Variants in ANXA4 observed in about 807,000 individuals in gnomAD.
The protein encoded by ANXA4 is annexin A4, also known as 35-beta calcimedin.
ANXA4 carries 39 observed loss-of-function variants against 49.8 expected under a neutral mutation model. The ratio of observed to expected loss-of-function variants is 0.78; its 90% CI spans 0.61 to 1.02. The LOEUF (loss-of-function observed/expected upper bound fraction) is 1.02, where lower values mean the gene tolerates loss of function less well. Among genes scored for constraint, ANXA4 ranks in the 50% least tolerant of loss-of-function variants. The pLI is 0.00. For synonymous variants in ANXA4, 134 were observed against 152.5 expected (o/e 0.88, Z 0.89); for missense variants, 360 against 410.1 (o/e 0.88, Z 1.05).
At chr2:69,697,978 CA>C (rs34820959) in intron 2 of ANXA4, among the ~76,000 whole-genome samples, 49,334 of 105,432 alleles carry the variant, frequency 0.47, 9,500 homozygotes, top group Middle Eastern at 0.73. Context: ...GACCCCATCT[CA>C]AAAAAAAAAA....
chr2:69,732,713 G>A (rs186520045), intron 3 of ANXA4, among the ~76,000 whole-genome samples: 5 of 152,080 alleles, frequency 3.3e-5, no homozygotes, highest in Non-Finnish European at 5.9e-5. Context: ...AGCTGAGATC[G>A]CACCATTGCA....
intron 11 of ANXA4, among the ~76,000 whole-genome samples, chr2:69,819,997 G>A (rs1348294647): frequency 6.6e-6 from 1 of 151,738 alleles, no homozygotes; most frequent in African/African-American, 2.4e-5. Context: ...GAACCCAGGA[G>A]GCAGAGGTTG....
At chr2:69,685,349 A>G (rs192644785) in intron 2 of ANXA4, among the ~76,000 whole-genome samples, 2,367 of 147,464 alleles carry the variant, frequency 0.016, 66 homozygotes, top group African/African-American at 0.055. Context: ...GACATTTAAT[A>G]AAGTTTTTTT....
At chr2:69,774,327 G>GCCC (rs71397354) in intron 1 of ANXA4, among the ~76,000 whole-genome samples, 2 of 89,504 alleles carry the variant, frequency 2.2e-5, no homozygotes, top group Admixed American at 1.7e-4. Flanking sequence ...TGTAAAAGGA[G>GCCC]CCCCCCCCCC....
At chr2:69,792,570 A>G (rs1672737382) in intron 3 of ANXA4, among the ~76,000 whole-genome samples, 1 of 148,554 alleles carries the variant, frequency 6.7e-6, no homozygotes, top group Non-Finnish European at 1.5e-5. Flanking sequence ...TTTAGTTAAT[A>G]TGTTTACACG....
intron 2 of ANXA4, among the ~76,000 whole-genome samples, chr2:69,655,789 C>T (rs1413989659): frequency 6.6e-6 from 1 of 152,108 alleles, no homozygotes; most frequent in Admixed American, 6.5e-5. Flanking sequence ...AAATGCCCAT[C>T]AGTGATAGAC....
intron 2 of ANXA4, among the ~76,000 whole-genome samples, chr2:69,656,469 C>T (rs1258590655): frequency 1.4e-5 from 2 of 147,052 alleles, no homozygotes; most frequent in Non-Finnish European, 3.0e-5. Context: ...CGCTGAACTA[C>T]TGAATACAGT....
intron 11 of ANXA4, among the ~76,000 whole-genome samples, chr2:69,820,206 T>C (rs1289423518): frequency 1.3e-5 from 2 of 151,078 alleles, no homozygotes; most frequent in Non-Finnish European, 2.9e-5. Flanking sequence ...TAGTTGAGGA[T>C]CCAAACATTG....
At chr2:69,797,721 C>CAG (rs1352554273) in intron 3 of ANXA4, among the ~76,000 whole-genome samples, 1 of 152,206 alleles carries the variant, frequency 6.6e-6, no homozygotes, top group East Asian at 1.9e-4. Context: ...TTCCTGCTAA[C>CAG]AGAGAGAGTA....
At chr2:69,704,332 CT>C (rs1211880729) in intron 2 of ANXA4, among the ~76,000 whole-genome samples, 1 of 152,148 alleles carries the variant, frequency 6.6e-6, no homozygotes, top group Admixed American at 6.5e-5. Context: ...TAACTAACTA[CT>C]TTACTAAAAT....
chr2:69,767,422 T>C (rs1671537053), intron 1 of ANXA4, among the ~76,000 whole-genome samples: 2 of 152,202 alleles, frequency 1.3e-5, no homozygotes, highest in Admixed American at 1.3e-4. Context: ...GGATCAGCCA[T>C]GACCTCCCAA....
chr2:69,690,454 G>C (rs964386296), intron 2 of ANXA4, among the ~76,000 whole-genome samples: 2 of 152,206 alleles, frequency 1.3e-5, no homozygotes, highest in Non-Finnish European at 2.9e-5. Context: ...GACCAGACTG[G>C]TCTTGAACTC....
intron 1 of ANXA4, among the ~76,000 whole-genome samples, chr2:69,770,920 C>G (rs1387319536): frequency 6.9e-6 from 1 of 145,908 alleles, no homozygotes; most frequent in Non-Finnish European, 1.5e-5. Flanking sequence ...GAGGCCTTGT[C>G]TAGAAAATTT....
chr2:69,815,846 A>T, intron 8 of ANXA4: 1 of 415,112 alleles, frequency 2.4e-6, no homozygotes, highest in Non-Finnish European at 4.4e-6. Context: ...TTTAGCTCTT[A>T]AGATAGAACC....
At chr2:69,730,029 T>C (rs1670054567) in intron 3 of ANXA4, among the ~76,000 whole-genome samples, 2 of 152,216 alleles carry the variant, frequency 1.3e-5, no homozygotes, top group Admixed American at 1.3e-4. Context: ...CTTTATTCCC[T>C]GAAGATTTGC....
chr2:69,757,241 TATATATATA>T (rs1671076415), intron 1 of ANXA4, among the ~76,000 whole-genome samples: 1 of 57,050 alleles, frequency 1.8e-5, no homozygotes, highest in African/African-American at 7.7e-5. Context: ...TTTTGTTTTA[TATATATATA>T]TATATATATA....
At chr2:69,713,264 C>T (rs1678734982) in intron 2 of ANXA4, among the ~76,000 whole-genome samples, 1 of 152,132 alleles carries the variant, frequency 6.6e-6, no homozygotes, top group Non-Finnish European at 1.5e-5. Flanking sequence ...TGAAGAACCT[C>T]TACTCCATTT....
chr2:69,707,741 T>G (rs1678543618), intron 2 of ANXA4, among the ~76,000 whole-genome samples: 2 of 152,208 alleles, frequency 1.3e-5, no homozygotes, highest in Admixed American at 1.3e-4. Context: ...ACAACCCAAT[T>G]ATACTCTTTT....
At chr2:69,680,649 T>C (rs760172040) in intron 2 of ANXA4, among the ~76,000 whole-genome samples, 4 of 152,206 alleles carry the variant, frequency 2.6e-5, no homozygotes, top group Non-Finnish European at 5.9e-5. Flanking sequence ...TTGTCCTATA[T>C]GGCCTTTAGT....
Sources: allele counts gnomAD v4.1 joint callset (sites outside exome capture counted in the v4.1 genomes callset), GRCh38; gene constraint gnomAD v4.1.1; transcripts MANE v1.5; gene names NCBI Gene and HGNC (gene_info 2026-07-23, HGNC 2026-07-21).